CNGB3: variants seen among roughly 807,000 people sequenced by gnomAD.
CNGB3 encodes cyclic nucleotide gated channel subunit beta 3, also known as cyclic nucleotide-gated channel beta-3.
Under a neutral mutation model 92.8 loss-of-function variants are expected in CNGB3, and 86 were observed. That is an observed-to-expected ratio of 0.93 (90% CI 0.78 to 1.11). CNGB3 has a LOEUF of 1.11. CNGB3 is among the 50% of genes least tolerant of loss of function. The pLI, the probability that CNGB3 is intolerant of heterozygous loss-of-function variation, is 0.00. For synonymous variants in CNGB3, 333 were observed against 332.7 expected (o/e 1.00, Z -0.01); for missense variants, 1,026 against 956.8 (o/e 1.07, Z -0.95).
At chr8:86,658,339 C>T in intron 6 of CNGB3, 1 of 474,192 alleles carries the variant, frequency 2.1e-6, no homozygotes, top group South Asian at 1.9e-5. Flanking sequence ...GGAAGCGCCT[C>T]CTCCTCACTG....
chr8:86,627,150 G>A (rs905376962), intron 12 of CNGB3, among the ~76,000 whole-genome samples: 4 of 151,882 alleles, frequency 2.6e-5, no homozygotes, highest in Non-Finnish European at 5.9e-5. Context: ...AGAAATTGCT[G>A]TATTACATCC....
At chr8:86,595,061 C>T (rs1822139940) in intron 15 of CNGB3, among the ~76,000 whole-genome samples, 1 of 152,132 alleles carries the variant, frequency 6.6e-6, no homozygotes, top group South Asian at 2.1e-4. Context: ...AGACAAGGAA[C>T]TGAGGTCCAG....
chr8:86,680,177 C>A (rs1340625622), intron 3 of CNGB3, among the ~76,000 whole-genome samples: 3 of 152,030 alleles, frequency 2.0e-5, no homozygotes, highest in African/African-American at 7.2e-5. Flanking sequence ...AGATATTAGG[C>A]CAAATGCCAT....
chr8:86,685,211 A>T (rs1293166354), intron 3 of CNGB3, among the ~76,000 whole-genome samples: 1 of 152,216 alleles, frequency 6.6e-6, no homozygotes, highest in East Asian at 1.9e-4. Context: ...TTCATAAAAA[A>T]GGCCTCACTA....
intron 6 of CNGB3, chr8:86,660,099 G>T: frequency 3.2e-6 from 1 of 313,686 alleles, no homozygotes; most frequent in South Asian, 3.3e-5. Flanking sequence ...AGTTGTAGAG[G>T]AGAAAGCATG....
At chr8:86,635,861 T>TACATATAC (rs1554611016) in intron 10 of CNGB3, among the ~76,000 whole-genome samples, 1 of 66,270 alleles carries the variant, frequency 1.5e-5, no homozygotes, top group African/African-American at 7.3e-5. Context: ...TATATATATA[T>TACATATAC]ATACACATAC....
chr8:86,652,863 C>T (rs1823433277), intron 7 of CNGB3, among the ~76,000 whole-genome samples: 1 of 152,072 alleles, frequency 6.6e-6, no homozygotes, highest in South Asian at 2.1e-4. Flanking sequence ...ATAAAGAGTA[C>T]AGGATAGTAA....
rs566931495 is a variant in CNGB3, at chr8:86,694,509, G to A, written c.339-23411C>T. 6.4e-3 allele frequency among the ~76,000 whole-genome samples: 965 copies of A among 151,880 alleles called. 12 individuals carry two copies. Among genetic ancestry groups the A allele is most frequent in the African/African-American group, 0.022 (897 of 41,436 alleles). ...GGTCTCCTCACTTCTCAGATGGGGC[G>A]GCTGCCGGGTGGCGGGACTCCTCAC... On this transcript the variant is annotated intron_variant, in intron 3 of 17. Coordinates refer to ENST00000320005, the MANE Select transcript of CNGB3 (RefSeq NM_019098.5).
intron 14 of CNGB3, 78 bp from the exon 15 acceptor site, chr8:86,604,289 C>A (rs1275591128): frequency 3.3e-6 from 3 of 915,592 alleles, no homozygotes; most frequent in Admixed American, 2.0e-5. Flanking sequence ...AATATAAATT[C>A]TTTTAGAGGA....
chr8:86,589,915 A>T (rs1181464071), intron 15 of CNGB3, among the ~76,000 whole-genome samples: 2 of 151,460 alleles, frequency 1.3e-5, no homozygotes, highest in Non-Finnish European at 2.9e-5. Flanking sequence ...TGTCTCGTTG[A>T]TCTGTCTAAT....
intron 1 of CNGB3, 102 bp from the exon 2 acceptor site, chr8:86,739,838 T>C (rs1325256930): frequency 7.5e-7 from 1 of 1,325,224 alleles, no homozygotes; most frequent in Admixed American, 1.9e-5. Flanking sequence ...AATCAGATCA[T>C]TAAAATTGAC....
Position 86,626,024 on chromosome 8 carries a change from C to A in CNGB3, c.1537G>T (p.Asp513Tyr), listed in dbSNP as rs765884344. ...PTTVQLALAI[D>Y]VNFSIISKVD... ...TTGCTGATGATGCTGAAGTTCACAT[C>A]AATGGCGAGGGCTAACTGGACCGTA... is the stretch of plus-strand genomic sequence containing the variant. The change falls in exon 13 of 18, where the codon GAT becomes TAT. Residue 513 changes from aspartate to tyrosine, a missense_variant. Asp to Tyr is a radical substitution (Grantham distance 160, BLOSUM62 -3). Transcript: ENST00000320005. 8.1e-6 allele frequency: 13 copies of A among 1,613,832 alleles called. No homozygotes were observed. The highest frequency in any genetic ancestry group is 3.3e-5 in the Admixed American group (2 of 59,980).
intron 8 of CNGB3, among the ~76,000 whole-genome samples, chr8:86,646,016 A>T (rs546949584): frequency 6.6e-6 from 1 of 151,306 alleles, no homozygotes; most frequent in East Asian, 1.9e-4. Flanking sequence ...ATATTTAAAC[A>T]TCTAATGGAT....
At chr8:86,577,925 T>G (rs1341169501) in intron 17 of CNGB3, among the ~76,000 whole-genome samples, 1 of 152,154 alleles carries the variant, frequency 6.6e-6, no homozygotes, top group Non-Finnish European at 1.5e-5. Context: ...TTGTTTGTTT[T>G]TTGAGACAGA....
chr8:86,675,887 G>A (rs964125402), intron 3 of CNGB3, among the ~76,000 whole-genome samples: 3 of 152,158 alleles, frequency 2.0e-5, no homozygotes, highest in Admixed American at 2.0e-4. Context: ...CAACAAAATT[G>A]TATAATTAAC....
chr8:86,626,198 A>G (rs1296813560), intron 12 of CNGB3, 118 bp from the exon 13 acceptor site: 6 of 732,586 alleles, frequency 8.2e-6, no homozygotes, highest in Non-Finnish European at 1.5e-5. Flanking sequence ...CTTTTTATAC[A>G]TAATTAGATG....
At chr8:86,665,505 A>G (rs576166188) in intron 6 of CNGB3, among the ~76,000 whole-genome samples, 2 of 137,910 alleles carry the variant, frequency 1.5e-5, no homozygotes, top group South Asian at 5.3e-4. Context: ...TAGCAAAGAC[A>G]TGAAATCATT....
In CNGB3 at chr8:86,578,726, G is replaced by C. The variant is rs1355122471; in HGVS notation, c.2066C>G (p.Ala689Gly). The C allele has an allele frequency of 6.2e-7, 1 of 1,614,024 alleles. No individual in the cohort carries two copies. Among genetic ancestry groups the C allele is most frequent in the Admixed American group, 1.7e-5 (1 of 60,004 alleles). Residue 689 changes from alanine to glycine, a missense_variant, in exon 17 of 18, where the codon GCA becomes GGA. Coordinates refer to ENST00000320005, the MANE Select transcript of CNGB3 (RefSeq NM_019098.5). Reference protein sequence around the residue: ...LLGGTGKASLARLLKLKREQA... With the variant: ...LLGGTGKASLGRLLKLKREQA... ...CTCTCGCTTCAATTTGAGTAGTCTTGCAAGACTTGCTTTTCCTGTGCCTCC... is the reference window on the plus strand; with the variant it reads ...CTCTCGCTTCAATTTGAGTAGTCTTCCAAGACTTGCTTTTCCTGTGCCTCC...
At chr8:86,728,792 C>T (rs10105388) in intron 2 of CNGB3, among the ~76,000 whole-genome samples, 13,828 of 151,950 alleles carry the variant, frequency 0.091, 1,330 homozygotes, top group African/African-American at 0.25. Flanking sequence ...GGAGTACTTA[C>T]CCTAAAAGAA....
Sources: gnomAD v4.1 joint callset for allele counts (sites outside exome capture counted in the v4.1 genomes callset) on GRCh38, gnomAD v4.1.1 for gene constraint, MANE v1.5 for transcripts, NCBI Gene and HGNC (gene_info 2026-07-23, HGNC 2026-07-21) for gene names.